Variants in CNTNAP2 observed in about 807,000 individuals in gnomAD.
The protein encoded by CNTNAP2 is contactin-associated protein-like 2.
In CNTNAP2, 98 loss-of-function variants were observed where a neutral mutation model predicts 155.2. The observed-to-expected ratio is 0.63, with a 90% CI of 0.54 to 0.75. The LOEUF (loss-of-function observed/expected upper bound fraction) is 0.75. CNTNAP2 is among the 30% of genes least tolerant of loss of function. The probability of loss-of-function intolerance (pLI) is 0.00; values close to 1 mark genes in which losing one functional copy is unlikely to be tolerated. For synonymous variants in CNTNAP2, 651 were observed against 631.2 expected, an observed-to-expected ratio of 1.03 and a Z score of -0.47; for missense variants, 1,727 against 1,688.1, an observed-to-expected ratio of 1.02 and a Z score of -0.40.
At chr7:147,266,152 C>G (rs1355513676) in intron 8 of CNTNAP2, among the ~76,000 whole-genome samples, 1 of 152,134 alleles carries the variant, frequency 6.6e-6, no homozygotes, top group Non-Finnish European at 1.5e-5. Flanking sequence ...GATGAATTAA[C>G]AGATGTAGGC....
intron 16 of CNTNAP2, among the ~76,000 whole-genome samples, chr7:148,122,547 G>A (rs763782657): frequency 2.0e-5 from 3 of 152,136 alleles, no homozygotes; most frequent in Admixed American, 6.5e-5. Context: ...GGAGGGGCAG[G>A]GGCCAGCAAT....
chr7:146,891,608 T>C (rs1562989323), intron 3 of CNTNAP2, among the ~76,000 whole-genome samples: 1 of 152,190 alleles, frequency 6.6e-6, no homozygotes, highest in Non-Finnish European at 1.5e-5. Context: ...ATGAACAGTT[T>C]TTGTTCTTAT....
At chr7:146,859,954 G>T (rs139422172) in intron 3 of CNTNAP2, among the ~76,000 whole-genome samples, 12 of 152,242 alleles carry the variant, frequency 7.9e-5, no homozygotes, top group South Asian at 4.1e-4. Flanking sequence ...AACCTAGAGT[G>T]GGGGAGGAAG....
chr7:146,189,142 C>A (rs191139969), intron 1 of CNTNAP2, among the ~76,000 whole-genome samples: 63 of 152,260 alleles, frequency 4.1e-4, no homozygotes, highest in African/African-American at 1.5e-3. Flanking sequence ...CAATTTTAGA[C>A]ATTTTCTAAT....
At chr7:147,397,272 C>T (rs13238822) in intron 10 of CNTNAP2, among the ~76,000 whole-genome samples, 23,549 of 151,890 alleles carry the variant, frequency 0.16, 2,076 homozygotes, top group East Asian at 0.35. Flanking sequence ...AATGTATCAG[C>T]TATTATTTCT....
intron 15 of CNTNAP2, among the ~76,000 whole-genome samples, chr7:148,044,996 T>C (rs1297157243): frequency 2.0e-5 from 3 of 152,176 alleles, no homozygotes; most frequent in Non-Finnish European, 4.4e-5. Context: ...CCAGCCACCC[T>C]GTGTCTAGCT....
At chr7:146,478,698 G>T (rs1207839039) in intron 1 of CNTNAP2, among the ~76,000 whole-genome samples, 1 of 151,542 alleles carries the variant, frequency 6.6e-6, no homozygotes, top group Non-Finnish European at 1.5e-5. Flanking sequence ...ACACACACAT[G>T]CACACACACA....
intron 1 of CNTNAP2, among the ~76,000 whole-genome samples, chr7:146,124,968 A>G (rs898673737): frequency 2.0e-5 from 3 of 152,144 alleles, no homozygotes; most frequent in African/African-American, 4.8e-5. Context: ...TTTTTTACTC[A>G]AGTTATATAT....
intron 1 of CNTNAP2, among the ~76,000 whole-genome samples, chr7:146,342,101 G>C (rs1201937475): frequency 6.6e-6 from 1 of 152,084 alleles, no homozygotes; most frequent in Non-Finnish European, 1.5e-5. Flanking sequence ...GGTTGAGTCA[G>C]ATTATGCTTG....
chr7:148,017,937 G>C (rs1445135447), intron 15 of CNTNAP2, among the ~76,000 whole-genome samples: 1 of 152,148 alleles, frequency 6.6e-6, no homozygotes, highest in Non-Finnish European at 1.5e-5. Flanking sequence ...TTTTATCTTT[G>C]TTAAAGGCAG....
chr7:146,590,579 A>G (rs1348839736), intron 1 of CNTNAP2, among the ~76,000 whole-genome samples: 1 of 152,214 alleles, frequency 6.6e-6, no homozygotes, highest in Non-Finnish European at 1.5e-5. Context: ...TTCCAAATCC[A>G]AAACTATTTG....
intron 1 of CNTNAP2, among the ~76,000 whole-genome samples, chr7:146,460,502 A>G (rs1248928420): frequency 6.6e-6 from 1 of 152,224 alleles, no homozygotes; most frequent in Non-Finnish European, 1.5e-5. Context: ...ACTGTTCGCA[A>G]TAGCCAAGAT....
chr7:146,991,263 C>T (rs1240439218), intron 3 of CNTNAP2, among the ~76,000 whole-genome samples: 2 of 151,716 alleles, frequency 1.3e-5, no homozygotes, highest in South Asian at 2.1e-4. Flanking sequence ...ATTTAGAATA[C>T]CATTAATTTT....
chr7:146,867,203 G>C (rs370452978), intron 3 of CNTNAP2, among the ~76,000 whole-genome samples: 2 of 151,988 alleles, frequency 1.3e-5, no homozygotes, highest in Non-Finnish European at 2.9e-5. Context: ...CCCAGTGTCT[G>C]TTGTTTCCTT....
chr7:146,518,331 A>T (rs1416336060), intron 1 of CNTNAP2, among the ~76,000 whole-genome samples: 1 of 151,940 alleles, frequency 6.6e-6, no homozygotes, highest in African/African-American at 2.4e-5. Context: ...ATTCAAAATT[A>T]AACTCCGAAG....
intron 13 of CNTNAP2, among the ~76,000 whole-genome samples, chr7:147,664,107 G>A (rs980973408): frequency 3.3e-5 from 5 of 152,156 alleles, no homozygotes; most frequent in Non-Finnish European, 7.3e-5. Flanking sequence ...CCATCACTAA[G>A]TACCATAGAC....
In CNTNAP2 at chr7:148,172,262, G is replaced by A. The variant is rs375721802; in HGVS notation, c.2794G>A (p.Gly932Ser). 2.5e-6 allele frequency: 4 copies of A among 1,613,874 alleles called. No homozygotes were observed. The African/African-American group carries it at 5.3e-5, about 22-fold the overall frequency. ...CCCAGGTGGTGCTGGGGGCCAGCAG[G>A]GCTTCCTGGGCTGCATCCGCTCCTT... is the stretch of plus-strand genomic sequence containing the variant. ...LFVGGAGGQQ[G>S]FLGCIRSLRM... The change falls in exon 18 of 24, where the codon GGC (glycine) becomes AGC (serine). Residue 932 changes from glycine to serine, a missense_variant. Physicochemically the swap from Gly to Ser is moderately conservative, Grantham distance 56. Transcript: ENST00000361727.
At chr7:146,141,077 T>C (rs1797869149) in intron 1 of CNTNAP2, among the ~76,000 whole-genome samples, 1 of 152,204 alleles carries the variant, frequency 6.6e-6, no homozygotes, top group Non-Finnish European at 1.5e-5. Flanking sequence ...TGCACTAATT[T>C]TCTAAATATA....
intron 1 of CNTNAP2, among the ~76,000 whole-genome samples, chr7:146,193,363 T>C (rs1293113462): frequency 6.6e-6 from 1 of 152,196 alleles, no homozygotes; most frequent in Admixed American, 6.5e-5. Flanking sequence ...TGCAGCAAAC[T>C]TCCACCTGGA....
Sources: allele counts gnomAD v4.1 joint callset (sites outside exome capture counted in the v4.1 genomes callset), GRCh38; gene constraint gnomAD v4.1.1; transcripts MANE v1.5; gene names NCBI Gene and HGNC (gene_info 2026-07-23, HGNC 2026-07-21).